The following AUH variants were observed in gnomAD, a reference collection of about 807,000 sequenced individuals.
The protein encoded by AUH is AU RNA binding methylglutaconyl-CoA hydratase, also known as methylglutaconyl-CoA hydratase, mitochondrial.
AUH carries 29 observed loss-of-function variants against 42.3 expected under a neutral mutation model. The ratio of observed to expected loss-of-function variants is 0.69; its 90% CI spans 0.51 to 0.93. The LOEUF is 0.93. AUH is among the 40% of genes least tolerant of loss of function. The pLI is 0.00. For synonymous variants in AUH, 174 were observed against 166.4 expected (o/e 1.05, Z -0.35); for missense variants, 452 against 438.1 (o/e 1.03, Z -0.28).
At chr9:91,337,605 C>T (rs2131951975) in intron 3 of AUH, among the ~76,000 whole-genome samples, 1 of 152,250 alleles carries the variant, frequency 6.6e-6, no homozygotes, top group Admixed American at 6.5e-5. Flanking sequence ...TTTTAGGCCA[C>T]CAACCCATAT....
chr9:91,285,362 T>C (rs1050071534), intron 6 of AUH, among the ~76,000 whole-genome samples: 3 of 151,824 alleles, frequency 2.0e-5, no homozygotes, highest in Admixed American at 6.6e-5. Context: ...CTAATGTAAA[T>C]GACAAGTTAA....
chr9:91,278,464 AG>A (rs975711054), intron 6 of AUH, among the ~76,000 whole-genome samples: 11 of 152,214 alleles, frequency 7.2e-5, no homozygotes, highest in African/African-American at 1.7e-4. Context: ...TCTATTTCAA[AG>A]GAAAAGTGGT....
chr9:91,269,856 AC>A (rs1248220676), intron 6 of AUH, among the ~76,000 whole-genome samples: 5 of 152,210 alleles, frequency 3.3e-5, no homozygotes, highest in South Asian at 2.1e-4. Flanking sequence ...AAACAAAAAA[AC>A]ATTGCCAAAT....
chr9:91,243,201 T>G (rs1277399448), intron 6 of AUH, among the ~76,000 whole-genome samples: 1 of 152,210 alleles, frequency 6.6e-6, no homozygotes. Context: ...GCAAGTCACC[T>G]GCTTTTCCTA....
At chr9:91,342,363 C>T (rs1240471229) in intron 3 of AUH, among the ~76,000 whole-genome samples, 1 of 152,160 alleles carries the variant, frequency 6.6e-6, no homozygotes, top group Non-Finnish European at 1.5e-5. Flanking sequence ...GGAAAATCTC[C>T]CCATCGTAAG....
chr9:91,309,965 G>T (rs1216605038), intron 4 of AUH, among the ~76,000 whole-genome samples: 1 of 151,834 alleles, frequency 6.6e-6, no homozygotes, highest in Admixed American at 6.6e-5. Context: ...AACCCCCTAG[G>T]TGTCTCATCC....
At chr9:91,340,847 C>G (rs1467766026) in intron 3 of AUH, among the ~76,000 whole-genome samples, 3 of 152,166 alleles carry the variant, frequency 2.0e-5, no homozygotes, top group Non-Finnish European at 4.4e-5. Context: ...GCAGGCCAGT[C>G]TGCACCCAGC....
In AUH at chr9:91,319,656, G is replaced by A. The variant is rs541296595; in HGVS notation, c.505+5662C>T. 1.1e-4 allele frequency among the ~76,000 whole-genome samples: 16 copies of A among 152,272 alleles called. No individual in the cohort carries two copies. In the South Asian group the frequency reaches 3.3e-3, roughly 32 times the overall value. On this transcript the variant is annotated intron_variant, in intron 4 of 9. Transcript: ENST00000375731. Reference sequence around the variant, plus strand: ...GGATGACGTCCCTCTAGGAACACGGGGCTGCAAAGTGGGAAGGTGCCTCAA... The same window carrying A: ...GGATGACGTCCCTCTAGGAACACGGAGCTGCAAAGTGGGAAGGTGCCTCAA...
intron 6 of AUH, chr9:91,294,542 G>A (rs1449258263): frequency 4.9e-5 from 18 of 364,502 alleles, no homozygotes; most frequent in Admixed American, 2.7e-4. Flanking sequence ...GCGAGACTCC[G>A]TCTCAAAAAA....
chr9:91,266,190 G>A (rs1008357441), intron 6 of AUH, among the ~76,000 whole-genome samples: 3 of 151,848 alleles, frequency 2.0e-5, no homozygotes, highest in East Asian at 1.9e-4. Flanking sequence ...GTGAAAAGCC[G>A]CCTCTACTAA....
At chr9:91,345,186 T>C (rs1657013539) in intron 3 of AUH, among the ~76,000 whole-genome samples, 1 of 151,860 alleles carries the variant, frequency 6.6e-6, no homozygotes, top group African/African-American at 2.4e-5. Flanking sequence ...GTCAACTCTA[T>C]AATGAAAATG....
intron 6 of AUH, among the ~76,000 whole-genome samples, chr9:91,246,239 G>T (rs1028679607): frequency 7.9e-5 from 12 of 152,092 alleles, no homozygotes; most frequent in African/African-American, 2.9e-4. Context: ...AAAAGAAGAA[G>T]AATACTGACA....
chr9:91,354,123 G>T (rs1487250499), intron 3 of AUH, among the ~76,000 whole-genome samples: 2 of 151,824 alleles, frequency 1.3e-5, no homozygotes, highest in African/African-American at 2.4e-5. Context: ...AGCCAAGATC[G>T]TGGCACTGCA....
chr9:91,312,276 C>T (rs1828757383), intron 4 of AUH, among the ~76,000 whole-genome samples: 1 of 152,200 alleles, frequency 6.6e-6, no homozygotes, highest in African/African-American at 2.4e-5. Context: ...ATTTGCCTTT[C>T]AGATCCCATC....
chr9:91,337,082 A>C (rs527656633), intron 3 of AUH, among the ~76,000 whole-genome samples: 7 of 152,316 alleles, frequency 4.6e-5, no homozygotes, highest in East Asian at 3.9e-4. Context: ...AGATCCAACA[A>C]TACTATCGCA....
chr9:91,348,858 T>C (rs1831735683), intron 3 of AUH, among the ~76,000 whole-genome samples: 1 of 152,212 alleles, frequency 6.6e-6, no homozygotes, highest in Non-Finnish European at 1.5e-5. Context: ...TCATCAATTA[T>C]ACATTTTAAA....
chr9:91,306,471 A>T (rs1385573640), intron 4 of AUH: 3 of 766,502 alleles, frequency 3.9e-6, no homozygotes, highest in East Asian at 1.3e-4. Flanking sequence ...GTTTACTTTC[A>T]CTTGGCAGGA....
Position 91,326,886 on chromosome 9 carries a change from C to T in AUH, c.419-1482G>A, listed in dbSNP as rs537779230. ...GGCAGAACCAAAAACAAATAACTGG[C>T]TTAACTTGGTGCCAAACTGTTCTTT... is the stretch of plus-strand genomic sequence containing the variant. On this transcript the variant is annotated intron_variant, in intron 3 of 9. Coordinates refer to ENST00000375731, the MANE Select transcript of AUH (RefSeq NM_001698.3). Among the ~76,000 whole-genome samples, 11 of 152,296 alleles carry T rather than the reference C, an allele frequency of 7.2e-5. No homozygotes were observed. In the East Asian group the frequency reaches 2.1e-3, roughly 29 times the overall value.
intron 6 of AUH, among the ~76,000 whole-genome samples, chr9:91,226,456 T>C (rs1299146286): frequency 2.0e-4 from 31 of 151,878 alleles, no homozygotes; most frequent in Admixed American, 2.0e-3. Flanking sequence ...TATTAGCCCT[T>C]TGTCAGATGA....
Sources: allele counts gnomAD v4.1 joint callset (sites outside exome capture counted in the v4.1 genomes callset), GRCh38; gene constraint gnomAD v4.1.1; transcripts MANE v1.5; gene names NCBI Gene and HGNC (gene_info 2026-07-23, HGNC 2026-07-21).